Variants in MAP4 observed in about 807,000 individuals in gnomAD.
MAP4 encodes microtubule associated protein 4.
MAP4 carries 76 observed loss-of-function variants against 170.2 expected under a neutral mutation model. That is an observed-to-expected ratio of 0.45 (90% confidence interval 0.37 to 0.54). The LOEUF (loss-of-function observed/expected upper bound fraction) is 0.54, where lower values mean the gene tolerates loss of function less well. Ranked by LOEUF, MAP4 falls within the 20% of genes least tolerant of loss-of-function variation. The probability of loss-of-function intolerance (pLI) is 0.00; values close to 1 mark genes in which losing one functional copy is unlikely to be tolerated. For synonymous variants in MAP4, 909 were observed against 994.5 expected (o/e 0.91, Z 1.62); for missense variants, 2,506 against 2,748.0 (o/e 0.91, Z 1.97).
chr3:47,985,512 G>T (rs1008518558), intron 2 of MAP4, among the ~76,000 whole-genome samples: 1 of 152,152 alleles, frequency 6.6e-6, no homozygotes, highest in Non-Finnish European at 1.5e-5. Context: ...AACAAGTGAT[G>T]AAAGTTATTA....
chr3:47,879,614 TTGTG>T (rs151310580), intron 10 of MAP4, among the ~76,000 whole-genome samples: 165 of 151,594 alleles, frequency 1.1e-3, no homozygotes, highest in Middle Eastern at 6.8e-3. Flanking sequence ...ATGCACTCAT[TTGTG>T]TGTGTGTGTG....
intron 7 of MAP4, 117 bp from the exon 8 acceptor site, chr3:47,915,056 C>T: frequency 8.2e-7 from 1 of 1,225,972 alleles, no homozygotes. Flanking sequence ...CAAGGGGCAG[C>T]AAAGGAGTGA....
intron 2 of MAP4, among the ~76,000 whole-genome samples, chr3:47,994,802 T>C (rs2100094410): frequency 6.6e-6 from 1 of 151,962 alleles, no homozygotes; most frequent in South Asian, 2.1e-4. Context: ...ATACAAAAAT[T>C]AGCCAGGCAT....
At chr3:47,971,964 T>C (rs1269802815) in intron 3 of MAP4, among the ~76,000 whole-genome samples, 2 of 152,214 alleles carry the variant, frequency 1.3e-5, no homozygotes, top group African/African-American at 2.4e-5. Context: ...ACCTAGGGTA[T>C]GTATAAGAAA....
intron 3 of MAP4, among the ~76,000 whole-genome samples, chr3:47,958,220 C>A (rs550915344): frequency 4.0e-4 from 61 of 152,096 alleles, no homozygotes; most frequent in African/African-American, 1.4e-3. Context: ...TACTTCCATG[C>A]CAAAAATAAA....
rs1559838305 is a variant in MAP4 at position 47,871,030 on chromosome 3, G to A, written c.6077C>T (p.Ala2026Val). 2 of 1,614,096 alleles carry A rather than the reference G, an allele frequency of 1.2e-6. No homozygotes were observed. Among genetic ancestry groups the A allele is most frequent in the East Asian group, 2.2e-5 (1 of 44,882 alleles). Residue 2026 changes from alanine to valine, a missense_variant, in exon 15 of 21, where the codon GCT (alanine) becomes GTT (valine). Physicochemically the swap from Ala to Val is moderately conservative, Grantham distance 64. Coordinates refer to ENST00000683076, the MANE Select transcript of MAP4 (RefSeq NM_001385682.1). ...GACTCGGCTGGGAACCACCCCTGCA[G>A]CGGGGGCTGTCCCACTGAGAGTGGT... ...KTTTLSGTAP[A>V]AGVVPSRVKA...
intron 1 of MAP4, among the ~76,000 whole-genome samples, chr3:48,056,173 GC>G (rs1178407898): frequency 2.8e-3 from 343 of 124,178 alleles, no homozygotes; most frequent in African/African-American, 9.1e-3. Context: ...TGGGGGGTCA[GC>G]CCCCCCGCCC....
chr3:48,030,850 A>G (rs2100115724), intron 1 of MAP4, among the ~76,000 whole-genome samples: 1 of 149,866 alleles, frequency 6.7e-6, no homozygotes, highest in Non-Finnish European at 1.5e-5. Flanking sequence ...ATTACACAGG[A>G]GTCAACTAAA....
chr3:47,981,455 G>A (rs1274210345), intron 2 of MAP4, among the ~76,000 whole-genome samples: 3 of 151,666 alleles, frequency 2.0e-5, no homozygotes, highest in Non-Finnish European at 4.4e-5. Context: ...TCCTTATCTC[G>A]TAATAAAAAA....
At chr3:48,043,402 G>C (rs2100122688) in intron 1 of MAP4, among the ~76,000 whole-genome samples, 1 of 152,014 alleles carries the variant, frequency 6.6e-6, no homozygotes, top group Non-Finnish European at 1.5e-5. Flanking sequence ...TGCCTGGCCT[G>C]AATTCTACAC....
At chr3:48,027,053 C>G (rs531337000) in intron 1 of MAP4, among the ~76,000 whole-genome samples, 1 of 152,300 alleles carries the variant, frequency 6.6e-6, no homozygotes, top group African/African-American at 2.4e-5. Context: ...GTCCAAAAAG[C>G]AGGTGAGAAT....
intron 5 of MAP4, among the ~76,000 whole-genome samples, chr3:47,919,520 G>C (rs2100041632): frequency 6.6e-6 from 1 of 151,266 alleles, no homozygotes; most frequent in African/African-American, 2.4e-5. Context: ...ATGTTGGCCA[G>C]ATTGGTCTCG....
intron 1 of MAP4, among the ~76,000 whole-genome samples, chr3:48,015,216 G>A (rs2100107164): frequency 7.6e-6 from 1 of 131,684 alleles, no homozygotes; most frequent in Admixed American, 8.6e-5. Context: ...ATTACTAAAG[G>A]TAGGATACTG....
chr3:48,024,482 A>T (rs753951325), intron 1 of MAP4, among the ~76,000 whole-genome samples: 2 of 152,118 alleles, frequency 1.3e-5, no homozygotes, highest in African/African-American at 2.4e-5. Flanking sequence ...ATGTGAGCTG[A>T]AGAATTATGC....
intron 1 of MAP4, among the ~76,000 whole-genome samples, chr3:48,065,998 G>T (rs1343950444): frequency 6.6e-6 from 1 of 151,940 alleles, no homozygotes; most frequent in African/African-American, 2.4e-5. Flanking sequence ...TAAACTGAAA[G>T]AAAATAAAAT....
chr3:48,037,130 GTAAA>G (rs527631162), intron 1 of MAP4, among the ~76,000 whole-genome samples: 4 of 152,090 alleles, frequency 2.6e-5, no homozygotes, highest in South Asian at 4.1e-4. Context: ...ATAAACTCTA[GTAAA>G]TAAAGTTCTG....
chr3:47,905,835 A>C (rs2100032657), intron 9 of MAP4, among the ~76,000 whole-genome samples: 1 of 152,088 alleles, frequency 6.6e-6, no homozygotes, highest in East Asian at 1.9e-4. Flanking sequence ...TCTACTAAAA[A>C]TACAAAAAAT....
At chr3:48,017,932 T>C (rs184799312), upstream of MAP4, among the ~76,000 whole-genome samples, 104 of 152,228 alleles carry the variant, frequency 6.8e-4, 1 homozygote, top group Non-Finnish European at 4.6e-4. Context: ...AGGGAGGAGA[T>C]GGTTTCGGGA....
intron 1 of MAP4, among the ~76,000 whole-genome samples, chr3:48,035,421 C>T (rs2100118347): frequency 6.7e-6 from 1 of 148,246 alleles, no homozygotes; most frequent in East Asian, 2.0e-4. Flanking sequence ...ACTGCTTCAG[C>T]ACAGGTGTTC....
Sources: gnomAD v4.1 joint callset for allele counts (sites outside exome capture counted in the v4.1 genomes callset) on GRCh38, gnomAD v4.1.1 for gene constraint, MANE v1.5 for transcripts, NCBI Gene and HGNC (gene_info 2026-07-23, HGNC 2026-07-21) for gene names.